TOM1L2: variants seen among roughly 807,000 people sequenced by gnomAD.
The protein encoded by TOM1L2 is target of myb1 like 2 membrane trafficking protein, also known as TOM1-like protein 2.
TOM1L2 carries 31 observed loss-of-function variants against 67.9 expected under a neutral mutation model. The observed-to-expected ratio is 0.46, with a 90% confidence interval of 0.34 to 0.62. The LOEUF (loss-of-function observed/expected upper bound fraction) is 0.62, where lower values mean the gene tolerates loss of function less well. Ranked by LOEUF, TOM1L2 falls within the 20% of genes least tolerant of loss-of-function variation. TOM1L2 has a pLI of 0.01. For synonymous variants in TOM1L2, 256 were observed against 254.0 expected, an observed-to-expected ratio of 1.01 and a Z score of -0.07; for missense variants, 606 against 663.5, an observed-to-expected ratio of 0.91 and a Z score of 0.95.
At chr17:17,970,902 T>G (rs1017823994) in intron 1 of TOM1L2, among the ~76,000 whole-genome samples, 1 of 152,116 alleles carries the variant, frequency 6.6e-6, no homozygotes, top group African/African-American at 2.4e-5. Flanking sequence ...CCAGGAGGAA[T>G]CCAGTTTTCA....
intron 1 of TOM1L2, among the ~76,000 whole-genome samples, chr17:17,924,111 T>A (rs896356462): frequency 6.6e-6 from 1 of 152,096 alleles, no homozygotes; most frequent in Non-Finnish European, 1.5e-5. Context: ...CACTCCAGAA[T>A]GGGCAACAGA....
intron 1 of TOM1L2, among the ~76,000 whole-genome samples, chr17:17,954,047 A>G (rs1471789344): frequency 6.6e-6 from 1 of 152,232 alleles, no homozygotes; most frequent in Non-Finnish European, 1.5e-5. Flanking sequence ...TATTAAATAC[A>G]TATAAGTTAT....
intron 1 of TOM1L2, among the ~76,000 whole-genome samples, chr17:17,957,308 A>G (rs2041500789): frequency 6.6e-6 from 1 of 152,226 alleles, no homozygotes; most frequent in Non-Finnish European, 1.5e-5. Context: ...CAGGTAGAGA[A>G]AACAATGCAT....
At chr17:17,908,586 T>G (rs949089156) in intron 1 of TOM1L2, among the ~76,000 whole-genome samples, 1 of 152,038 alleles carries the variant, frequency 6.6e-6, no homozygotes, top group Non-Finnish European at 1.5e-5. Flanking sequence ...TATAGCTTAA[T>G]AACAAAAAAA....
intron 12 of TOM1L2, among the ~76,000 whole-genome samples, chr17:17,855,638 C>T (rs2036216145): frequency 6.6e-6 from 1 of 152,204 alleles, no homozygotes; most frequent in Admixed American, 6.5e-5. Flanking sequence ...ATCCACACAC[C>T]TGAGTCCCAG....
chr17:17,882,591 G>A, intron 6 of TOM1L2, 114 bp downstream of exon 6: 1 of 1,396,446 alleles, frequency 7.2e-7, no homozygotes, highest in Non-Finnish European at 9.8e-7. Flanking sequence ...TTCCATCTCT[G>A]TGTCCCTAAC....
rs1052271366 is a variant in TOM1L2 at position 17,872,025 on chromosome 17, C to G, written c.778-2552G>C. On this transcript the variant is annotated intron_variant, in intron 7 of 14. Coordinates refer to ENST00000379504, the MANE Select transcript of TOM1L2 (RefSeq NM_001082968.2). ...AGGCAGGAGAGGGGCTCTCAAAAAGCTGCCTGGGCCTTGGGGCCTGCCAGA... is the reference window on the plus strand; with the variant it reads ...AGGCAGGAGAGGGGCTCTCAAAAAGGTGCCTGGGCCTTGGGGCCTGCCAGA... The G allele has an allele frequency of 8.5e-5, 84 of 985,364 alleles. No homozygotes were observed. The African/African-American group carries it at 1.3e-3, about 15-fold the overall frequency. The allele number at this position is 985,364 out of a possible 1,614,324, so 61.0% of individuals were successfully genotyped here.
At chr17:17,960,560 A>T (rs2041638573) in intron 1 of TOM1L2, among the ~76,000 whole-genome samples, 1 of 151,878 alleles carries the variant, frequency 6.6e-6, no homozygotes, top group Non-Finnish European at 1.5e-5. Flanking sequence ...CTGGTCTCGA[A>T]CTCCTGAGCT....
chr17:17,967,000 A>G (rs1009164407), intron 1 of TOM1L2, among the ~76,000 whole-genome samples: 2 of 152,166 alleles, frequency 1.3e-5, no homozygotes, highest in African/African-American at 2.4e-5. Context: ...CAGATGGCCT[A>G]CTGTGGGACC....
At chr17:17,874,319 G>A (rs906081873) in intron 7 of TOM1L2, among the ~76,000 whole-genome samples, 31 of 151,728 alleles carry the variant, frequency 2.0e-4, no homozygotes, top group Non-Finnish European at 3.2e-4. Context: ...CACCCAGGCT[G>A]GAGTACGGTG....
chr17:17,857,314 T>C (rs2036301122), intron 12 of TOM1L2, among the ~76,000 whole-genome samples: 1 of 151,598 alleles, frequency 6.6e-6, no homozygotes, highest in Non-Finnish European at 1.5e-5. Context: ...AGCAACTATA[T>C]TATAAAAATC....
At position 17,844,089 on chromosome 17, in the gene TOM1L2, CA is replaced by C. The variant is rs1489893640; in HGVS notation, c.*3545del. The C allele has an allele frequency of 6.6e-6, 1 of 152,572 alleles. No homozygotes were observed. Among genetic ancestry groups the C allele is most frequent in the African/African-American group, 2.4e-5 (1 of 41,460 alleles). 9.5% of individuals were successfully genotyped at this position (152,572 alleles called of 1,614,324 possible). The stretch of plus-strand genomic sequence containing the variant: ...CAGAAGCTCCCAGGGACCACTCCAG[CA>C]GTGCCAGAGGCTGAAGCCAGGCTGC... On this transcript the variant is annotated 3_prime_UTR_variant, in exon 15 of 15. Coordinates refer to ENST00000379504, the MANE Select transcript of TOM1L2 (RefSeq NM_001082968.2).
chr17:17,961,689 C>T (rs569980052), intron 1 of TOM1L2, among the ~76,000 whole-genome samples: 83 of 151,960 alleles, frequency 5.5e-4, no homozygotes, highest in Admixed American at 1.6e-3. Flanking sequence ...CTGGCTAACA[C>T]GATGAAACCC....
intron 5 of TOM1L2, among the ~76,000 whole-genome samples, chr17:17,883,673 G>A (rs1367492048): frequency 1.1e-4 from 16 of 152,136 alleles, no homozygotes; most frequent in Non-Finnish European, 2.2e-4. Flanking sequence ...GGCGGAGCGT[G>A]CAGTGAGCCA....
intron 1 of TOM1L2, among the ~76,000 whole-genome samples, chr17:17,936,480 TTTA>T (rs2040519180): frequency 6.6e-6 from 1 of 152,168 alleles, no homozygotes; most frequent in Admixed American, 6.5e-5. Flanking sequence ...GGTAATTCTA[TTTA>T]AAGGAATTTA....
rs2035705372 is a variant in TOM1L2, at chr17:17,847,464, G to A, written c.*171C>T. 1.2e-6 allele frequency: 1 copy of A among 814,146 alleles called. No homozygotes were observed. Among genetic ancestry groups the A allele is most frequent in the Admixed American group, 3.0e-5 (1 of 33,214 alleles). 50.4% of individuals were successfully genotyped at this position (814,146 alleles called of 1,614,324 possible). ...TCCCACCACTCAGAGAAAAGAAGTGGCTGAAGCTGGTCCTGACTAGTGGGA... is the reference window on the plus strand; with the variant it reads ...TCCCACCACTCAGAGAAAAGAAGTGACTGAAGCTGGTCCTGACTAGTGGGA... On this transcript the variant is annotated 3_prime_UTR_variant, in exon 15 of 15. Coordinates refer to ENST00000379504, the MANE Select transcript of TOM1L2 (RefSeq NM_001082968.2).
At chr17:17,894,840 A>C (rs568215615) in intron 3 of TOM1L2, among the ~76,000 whole-genome samples, 1 of 152,270 alleles carries the variant, frequency 6.6e-6, no homozygotes, top group East Asian at 1.9e-4. Flanking sequence ...CTGAGGCAGG[A>C]GAATCGCTTG....
At chr17:17,883,058 T>C (rs1285096648) in intron 5 of TOM1L2, among the ~76,000 whole-genome samples, 195 bp from the exon 6 acceptor site, 1 of 152,186 alleles carries the variant, frequency 6.6e-6, no homozygotes, top group Non-Finnish European at 1.5e-5. Flanking sequence ...GGGCTGCCAA[T>C]GGCTCCTCCC....
intron 4 of TOM1L2, among the ~76,000 whole-genome samples, chr17:17,892,268 G>A (rs1029120920): frequency 6.6e-6 from 1 of 152,076 alleles, no homozygotes; most frequent in Non-Finnish European, 1.5e-5. Flanking sequence ...CTGAGAGCCC[G>A]GCCTGCCCCG....
Sources: allele counts gnomAD v4.1 joint callset (sites outside exome capture counted in the v4.1 genomes callset), GRCh38; gene constraint gnomAD v4.1.1; transcripts MANE v1.5; gene names NCBI Gene and HGNC (gene_info 2026-07-23, HGNC 2026-07-21).